MSI2: variants seen among roughly 807,000 people sequenced by gnomAD.
The protein encoded by MSI2 is RNA-binding protein Musashi homolog 2.
Under a neutral mutation model 45.6 loss-of-function variants are expected in MSI2, and 17 were observed. That is an observed-to-expected ratio of 0.37 (90% CI 0.26 to 0.56). The LOEUF is 0.56. Ranked by LOEUF, MSI2 falls within the 20% of genes least tolerant of loss-of-function variation. The pLI is 0.77. For missense variants in MSI2, 293 were observed against 444.2 expected, an observed-to-expected ratio of 0.66 and a Z score of 3.06; for synonymous variants, 156 against 158.2, an observed-to-expected ratio of 0.99 and a Z score of 0.11.
chr17:57,392,518 A>AT (rs889335542), intron 5 of MSI2, among the ~76,000 whole-genome samples: 4 of 152,036 alleles, frequency 2.6e-5, no homozygotes, highest in Non-Finnish European at 2.9e-5. Flanking sequence ...GGCGAGGGCT[A>AT]TTTTTTTCCT....
rs540656962 is a variant in MSI2 at position 57,306,487 on chromosome 17, C to T, written c.312+44295C>T. ...CTCCCCACATTATCTTCCCTCTCCC[C>T]AGTGTAGATTCTGGAGTTCCCATCA... On this transcript the variant is annotated intron_variant, in intron 5 of 13. Transcript: ENST00000284073. 2.7e-4 allele frequency among the ~76,000 whole-genome samples: 41 copies of T among 152,316 alleles called. No individual in the cohort carries two copies. The South Asian group carries it at 6.6e-3, about 25-fold the overall frequency.
intron 5 of MSI2, among the ~76,000 whole-genome samples, chr17:57,353,360 C>G (rs909711353): frequency 6.6e-6 from 1 of 152,080 alleles, no homozygotes; most frequent in Non-Finnish European, 1.5e-5. Context: ...TGGATGGAGG[C>G]TTGATTGATT....
intron 8 of MSI2, among the ~76,000 whole-genome samples, chr17:57,613,727 G>C (rs1008220925): frequency 6.6e-6 from 1 of 152,152 alleles, no homozygotes; most frequent in South Asian, 2.1e-4. Flanking sequence ...TTTATTAGCC[G>C]TCTGTGAATT....
chr17:57,406,751 T>G (rs1344627552), intron 6 of MSI2: 1 of 152,224 alleles, frequency 6.6e-6, no homozygotes, highest in East Asian at 1.9e-4. Flanking sequence ...TGCCTTTTAT[T>G]GTCTCATTCC....
rs1353154253 is a variant in MSI2, at chr17:57,366,474, GAAGA to G, written c.313-34902_313-34899del. 9.9e-5 allele frequency among the ~76,000 whole-genome samples: 15 copies of G among 152,232 alleles called. No homozygotes were observed. The South Asian group carries it at 2.5e-3, about 25-fold the overall frequency. On this transcript the variant is annotated intron_variant, in intron 5 of 13. Coordinates refer to ENST00000284073, the MANE Select transcript of MSI2 (RefSeq NM_138962.4). ...TTAAATTTCCACCCCGTGAAGGAAA[GAAGA>G]AATGAGAGACAACCCCTAACTTTTT...
At chr17:57,564,897 G>A (rs758170663) in intron 7 of MSI2, among the ~76,000 whole-genome samples, 2 of 152,170 alleles carry the variant, frequency 1.3e-5, no homozygotes, top group African/African-American at 2.4e-5. Context: ...TGGCGCAATC[G>A]TGACGCCTTG....
chr17:57,656,434 C>T (rs564240286), intron 11 of MSI2, among the ~76,000 whole-genome samples: 1 of 152,318 alleles, frequency 6.6e-6, no homozygotes, highest in South Asian at 2.1e-4. Flanking sequence ...CCTTCAAGCC[C>T]TTCTACTCCT....
intron 8 of MSI2, among the ~76,000 whole-genome samples, chr17:57,607,912 TCAC>T (rs1418430500): frequency 6.6e-6 from 1 of 152,132 alleles, no homozygotes; most frequent in African/African-American, 2.4e-5. Flanking sequence ...AGCTCACTCA[TCAC>T]CAAGCAGGTG....
intron 8 of MSI2, 139 bp downstream of exon 8, chr17:57,597,089 T>C: frequency 1.6e-6 from 1 of 625,956 alleles, no homozygotes; most frequent in Non-Finnish European, 2.8e-6. Flanking sequence ...GGTCCAGGCC[T>C]GTGAACAGTA....
At chr17:57,473,367 C>T (rs1191378653) in intron 6 of MSI2, among the ~76,000 whole-genome samples, 1 of 152,106 alleles carries the variant, frequency 6.6e-6, no homozygotes, top group African/African-American at 2.4e-5. Flanking sequence ...TAACTCATTC[C>T]CCAAAGAGAG....
At chr17:57,422,633 A>G (rs2084417098) in intron 6 of MSI2, among the ~76,000 whole-genome samples, 1 of 152,236 alleles carries the variant, frequency 6.6e-6, no homozygotes, top group African/African-American at 2.4e-5. Context: ...CTCCAGACCC[A>G]TGCTCATTCT....
chr17:57,383,338 A>T (rs1172042067), intron 5 of MSI2, among the ~76,000 whole-genome samples: 1 of 152,210 alleles, frequency 6.6e-6, no homozygotes, highest in African/African-American at 2.4e-5. Flanking sequence ...GGAACTACTG[A>T]CATTTACAAT....
chr17:57,523,790 C>T (rs2086643332), intron 6 of MSI2, among the ~76,000 whole-genome samples: 1 of 152,184 alleles, frequency 6.6e-6, no homozygotes, highest in African/African-American at 2.4e-5. Context: ...AGCACTTTCC[C>T]TTATTCTGCC....
At chr17:57,492,250 G>A (rs999406334) in intron 6 of MSI2, among the ~76,000 whole-genome samples, 2 of 152,200 alleles carry the variant, frequency 1.3e-5, no homozygotes, top group African/African-American at 4.8e-5. Context: ...TTCTATATGA[G>A]TACCGAAGGT....
intron 5 of MSI2, among the ~76,000 whole-genome samples, chr17:57,286,408 A>G (rs1045665990): frequency 5.3e-5 from 8 of 152,200 alleles, no homozygotes; most frequent in Admixed American, 5.2e-4. Context: ...GGTCTAAATC[A>G]GTGTCTCTGA....
downstream of MSI2, among the ~76,000 whole-genome samples, chr17:57,689,509 A>G (rs779673787): frequency 6.6e-5 from 10 of 152,334 alleles, no homozygotes; most frequent in South Asian, 8.3e-4. Context: ...TTCCAAAGAC[A>G]ATAATGCATT....
chr17:57,662,634 C>T (rs1019446169), intron 11 of MSI2, among the ~76,000 whole-genome samples: 1 of 152,240 alleles, frequency 6.6e-6, no homozygotes, highest in Non-Finnish European at 1.5e-5. Flanking sequence ...CGTACCAGCC[C>T]TGGGATGGCT....
intron 6 of MSI2, among the ~76,000 whole-genome samples, chr17:57,430,653 A>G (rs2084577565): frequency 1.3e-5 from 2 of 152,128 alleles, no homozygotes; most frequent in East Asian, 1.9e-4. Flanking sequence ...GCTGCACTCA[A>G]CAGATTCTGT....
In MSI2 at chr17:57,276,664, C is replaced by T. The variant is rs142758517; in HGVS notation, c.312+14472C>T. 1.6e-3 allele frequency among the ~76,000 whole-genome samples: 238 copies of T among 152,336 alleles called. 1 individual carries two copies. Among genetic ancestry groups the T allele is most frequent in the African/African-American group, 5.4e-3 (225 of 41,572 alleles). ...GGTTCTGAGCTACTGTGTTTCCCGGCGTGCTGCCGCTGCTGTTTGCCTCAG... is the reference window on the plus strand; with the variant it reads ...GGTTCTGAGCTACTGTGTTTCCCGGTGTGCTGCCGCTGCTGTTTGCCTCAG... On this transcript the variant is annotated intron_variant, in intron 5 of 13. Transcript: ENST00000284073.
Sources: allele counts gnomAD v4.1 joint callset (sites outside exome capture counted in the v4.1 genomes callset), GRCh38; gene constraint gnomAD v4.1.1; transcripts MANE v1.5; gene names NCBI Gene and HGNC (gene_info 2026-07-23, HGNC 2026-07-21).